The following CRTC1 variants were observed in gnomAD, a reference collection of about 807,000 sequenced individuals.
The protein encoded by CRTC1 is CREB-regulated transcription coactivator 1.
In CRTC1, 18 loss-of-function variants were observed where a neutral mutation model predicts 66.1. The ratio of observed to expected loss-of-function variants is 0.27; its 90% confidence interval spans 0.19 to 0.40. The LOEUF (loss-of-function observed/expected upper bound fraction) is 0.40. CRTC1 is among the 10% of genes least tolerant of loss of function. CRTC1 has a pLI of 1.00. For missense variants in CRTC1, 669 were observed against 887.9 expected (o/e 0.75, Z 3.13); for synonymous variants, 416 against 398.8 (o/e 1.04, Z -0.51).
chr19:18,722,522 A>G (rs2053652709), intron 1 of CRTC1, among the ~76,000 whole-genome samples: 1 of 152,256 alleles, frequency 6.6e-6, no homozygotes, highest in Non-Finnish European at 1.5e-5. Context: ...ACAGGCACAC[A>G]GCGAGAAGGC....
chr19:18,744,571 C>T (rs183837304), intron 2 of CRTC1, among the ~76,000 whole-genome samples: 105 of 152,318 alleles, frequency 6.9e-4, no homozygotes, highest in South Asian at 5.2e-3. Context: ...GTGGCGAGCC[C>T]GGGTGTGGCC....
intron 1 of CRTC1, among the ~76,000 whole-genome samples, chr19:18,716,248 C>T (rs756742791): frequency 1.4e-3 from 206 of 151,024 alleles, no homozygotes; most frequent in Non-Finnish European, 2.6e-3. Flanking sequence ...ATGTGGCTCC[C>T]GAATGACTCT....
chr19:18,705,088 C>T (rs544580947), intron 1 of CRTC1, among the ~76,000 whole-genome samples: 8 of 151,798 alleles, frequency 5.3e-5, no homozygotes, highest in African/African-American at 1.7e-4. Flanking sequence ...CCTCAAGGTT[C>T]GTCCACGTTG....
intron 1 of CRTC1, among the ~76,000 whole-genome samples, chr19:18,696,237 C>T (rs898199825): frequency 2.6e-5 from 4 of 152,098 alleles, no homozygotes; most frequent in Non-Finnish European, 5.9e-5. Context: ...GGGAGTTGGC[C>T]GGCTGGTCAG....
intron 10 of CRTC1, among the ~76,000 whole-genome samples, chr19:18,770,495 G>C (rs897463454): frequency 6.6e-6 from 1 of 152,254 alleles, no homozygotes; most frequent in African/African-American, 2.4e-5. Context: ...AGAGCCAGGG[G>C]ACCTGCCCAG....
In CRTC1 at chr19:18,741,313, C is replaced by T. The variant is rs1380819570; in HGVS notation, c.127-1597C>T. Among the ~76,000 whole-genome samples the T allele has an allele frequency of 2.0e-5, 3 of 152,176 alleles. No homozygotes were observed. Among genetic ancestry groups the T allele is most frequent in the East Asian group, 1.9e-4 (1 of 5,194 alleles). On this transcript the variant is annotated intron_variant, in intron 1 of 13. Transcript: ENST00000321949. The surrounding 1 kb of genome is among the most constrained non-coding windows in gnomAD (Gnocchi z 4.2). ...CCTCCTGGGAGCTGGCAGCTCAGCC[C>T]GTGTAGAAAGCACATGTGGCATGAG...
chr19:18,750,322 C>T (rs376391374), intron 5 of CRTC1, among the ~76,000 whole-genome samples: 2 of 152,196 alleles, frequency 1.3e-5, no homozygotes, highest in African/African-American at 2.4e-5. Context: ...ACTCTCCTCG[C>T]CTGCAGCCCC....
At chr19:18,773,884 A>C (rs976360652) in intron 11 of CRTC1, among the ~76,000 whole-genome samples, 2 of 152,102 alleles carry the variant, frequency 1.3e-5, no homozygotes, top group African/African-American at 4.8e-5. Flanking sequence ...TTGAGGCCAG[A>C]GACTCAGGCG....
intron 1 of CRTC1, among the ~76,000 whole-genome samples, chr19:18,737,742 C>T (rs4500880): frequency 6.7e-6 from 1 of 148,484 alleles, no homozygotes; most frequent in Non-Finnish European, 1.5e-5. Context: ...TGCTGCTGCT[C>T]CTCCTCCTCC....
At chr19:18,737,660 A>G (rs999256193) in intron 1 of CRTC1, among the ~76,000 whole-genome samples, 4 of 151,960 alleles carry the variant, frequency 2.6e-5, no homozygotes, top group South Asian at 2.1e-4. Flanking sequence ...TGAGCCACGC[A>G]TGTCTACTCA....
At position 18,782,156 on chromosome 19, in the gene CRTC1, T is replaced by C; in HGVS notation, c.*4774T>C. 1 of 227,308 alleles carries C rather than the reference T, an allele frequency of 4.4e-6. No individual in the cohort carries two copies. The highest frequency in any genetic ancestry group is 1.8e-4 in the South Asian group (1 of 5,594). 14.1% of individuals were successfully genotyped at this position (227,308 alleles called of 1,614,324 possible). Reference sequence around the variant, plus strand: ...GGCTGGCTCTCCCCCAACCCTAGCATGTATACTCTGCCACGGACGTCCCGT... The same window carrying C: ...GGCTGGCTCTCCCCCAACCCTAGCACGTATACTCTGCCACGGACGTCCCGT... On this transcript the variant is annotated 3_prime_UTR_variant, in exon 14 of 14. Transcript: ENST00000321949.
At chr19:18,762,658 C>T (rs1390068036) in intron 8 of CRTC1, among the ~76,000 whole-genome samples, 3 of 152,234 alleles carry the variant, frequency 2.0e-5, no homozygotes, top group South Asian at 2.1e-4. Context: ...GACACCTGGC[C>T]CGCCCTCCCC....
intron 1 of CRTC1, among the ~76,000 whole-genome samples, chr19:18,712,288 T>C (rs1164337978): frequency 6.6e-6 from 1 of 151,852 alleles, no homozygotes; most frequent in African/African-American, 2.4e-5. Flanking sequence ...AGACAGGAGC[T>C]CACTCCGTTG....
At chr19:18,703,359 C>T (rs1396787036) in intron 1 of CRTC1, among the ~76,000 whole-genome samples, 1 of 152,126 alleles carries the variant, frequency 6.6e-6, no homozygotes, top group Non-Finnish European at 1.5e-5. Context: ...ATTAACTAGA[C>T]TCCAGACTGT....
At chr19:18,759,421 C>T in intron 6 of CRTC1, 130 bp from the exon 7 acceptor site, 2 of 966,810 alleles carry the variant, frequency 2.1e-6, no homozygotes, top group Non-Finnish European at 3.1e-6. Context: ...GCGGCCCCAG[C>T]AAGCTTGGTT....
intron 2 of CRTC1, among the ~76,000 whole-genome samples, chr19:18,745,256 C>T (rs938449222): frequency 1.3e-5 from 2 of 152,120 alleles, no homozygotes; most frequent in Admixed American, 6.5e-5. Context: ...GAGGAGGCTG[C>T]GGGGGAGGGT....
intron 11 of CRTC1, among the ~76,000 whole-genome samples, chr19:18,774,017 G>A (rs760440008): frequency 1.3e-5 from 2 of 152,216 alleles, no homozygotes; most frequent in Non-Finnish European, 2.9e-5. Context: ...TAGGGCACAT[G>A]CCTTACGCTA....
At chr19:18,749,729 G>A (rs1050868788) in intron 4 of CRTC1, 52 bp from the exon 5 acceptor site, 16 of 1,456,770 alleles carry the variant, frequency 1.1e-5, no homozygotes, top group Non-Finnish European at 1.3e-5. Context: ...CAGGACTATC[G>A]CATTGTCTGC....
intron 1 of CRTC1, among the ~76,000 whole-genome samples, chr19:18,738,491 C>T (rs1347737737): frequency 6.6e-6 from 1 of 152,058 alleles, no homozygotes; most frequent in Non-Finnish European, 1.5e-5. Flanking sequence ...GTGGGCCTTT[C>T]TCTTTAATTG....
Sources: allele counts gnomAD v4.1 joint callset (sites outside exome capture counted in the v4.1 genomes callset), GRCh38; gene constraint gnomAD v4.1.1; non-coding constraint Gnocchi (gnomAD v3.1); transcripts MANE v1.5; gene names NCBI Gene and HGNC (gene_info 2026-07-23, HGNC 2026-07-21).